Variants in ARHGEF28 observed in about 807,000 individuals in gnomAD.
ARHGEF28 encodes the protein Rho guanine nucleotide exchange factor 28.
ARHGEF28 carries 152 observed loss-of-function variants against 206.6 expected under a neutral mutation model. That is an observed-to-expected ratio of 0.74 (90% CI 0.64 to 0.84). ARHGEF28 has a LOEUF of 0.84. Among genes scored for constraint, ARHGEF28 ranks in the 40% least tolerant of loss-of-function variants. ARHGEF28 has a pLI of 0.00. For missense variants in ARHGEF28, 2,028 were observed against 2,073.2 expected, an observed-to-expected ratio of 0.98 and a Z score of 0.42; for synonymous variants, 763 against 776.4, an observed-to-expected ratio of 0.98 and a Z score of 0.29.
rs115946036 is a variant in ARHGEF28, at chr5:73,841,576, C to T, written c.1427+816C>T. 6.1e-3 allele frequency among the ~76,000 whole-genome samples: 934 copies of T among 151,894 alleles called. 10 individuals carry two copies. The highest frequency in any genetic ancestry group is 0.021 in the African/African-American group (872 of 41,472). On this transcript the variant is annotated intron_variant, in intron 11 of 35. Transcript: ENST00000513042. ...CAAAAATTATCTGGGCATGGTGGCACGCACATGTGGTCCTGATACTTGGCA... is the reference window on the plus strand; with the variant it reads ...CAAAAATTATCTGGGCATGGTGGCATGCACATGTGGTCCTGATACTTGGCA...
intron 1 of ARHGEF28, among the ~76,000 whole-genome samples, chr5:73,628,934 TGG>T (rs1221828745): frequency 5.3e-5 from 8 of 152,236 alleles, no homozygotes; most frequent in Non-Finnish European, 1.0e-4. Flanking sequence ...ATCATGGTAT[TGG>T]AAGTTCTCGG....
chr5:73,886,749 C>T (rs142273984), intron 25 of ARHGEF28, among the ~76,000 whole-genome samples: 44 of 152,288 alleles, frequency 2.9e-4, no homozygotes, highest in African/African-American at 9.9e-4. Context: ...GAAAACATTA[C>T]GAATGCTCAT....
intron 35 of ARHGEF28, among the ~76,000 whole-genome samples, chr5:73,936,866 C>A (rs1460103301): frequency 6.6e-6 from 1 of 152,178 alleles, no homozygotes; most frequent in Non-Finnish European, 1.5e-5. Flanking sequence ...CCATGCCCAG[C>A]CACTTTGTTC....
chr5:73,742,143 G>C (rs1751472163), intron 2 of ARHGEF28, among the ~76,000 whole-genome samples: 1 of 151,846 alleles, frequency 6.6e-6, no homozygotes. Context: ...CTTTTTCTTG[G>C]TTAGTTTTGC....
chr5:73,636,995 G>T (rs988826), intron 1 of ARHGEF28, among the ~76,000 whole-genome samples: 1 of 152,004 alleles, frequency 6.6e-6, no homozygotes, highest in Middle Eastern at 3.2e-3. Flanking sequence ...GGGAGAAATG[G>T]TTGCAAATAC....
intron 12 of ARHGEF28, among the ~76,000 whole-genome samples, chr5:73,848,537 G>T (rs949159650): frequency 2.0e-5 from 3 of 152,112 alleles, no homozygotes; most frequent in Admixed American, 2.0e-4. Context: ...TCTTATAATT[G>T]TAAGTGGCTA....
chr5:73,650,142 G>A (rs2080827), intron 1 of ARHGEF28, among the ~76,000 whole-genome samples: 9,143 of 152,148 alleles, frequency 0.06, 929 homozygotes, highest in African/African-American at 0.21. Flanking sequence ...GTACTCATGG[G>A]ACAGGATATG....
chr5:73,790,757 T>C (rs931169970), intron 7 of ARHGEF28, among the ~76,000 whole-genome samples: 1 of 151,842 alleles, frequency 6.6e-6, no homozygotes, highest in Admixed American at 6.6e-5. Flanking sequence ...GAATTAAGAG[T>C]GGCAAGTAGT....
chr5:73,857,702 G>A lies in ARHGEF28; in HGVS notation c.1837G>A (p.Glu613Lys). 3.7e-6 allele frequency: 6 copies of A among 1,607,558 alleles called. No individual in the cohort carries two copies. Among genetic ancestry groups the A allele is most frequent in the Non-Finnish European group, 5.1e-6 (6 of 1,176,482 alleles). Residue 613 changes from glutamate (E) to lysine (K), a missense_variant, in exon 15 of 36, where the codon GAG becomes AAG. By Grantham distance (56) the Glu-to-Lys change is moderately conservative. Transcript: ENST00000513042. ...WDKYIIPAKS[E>K]SEKYKVSRTF... The stretch of plus-strand genomic sequence containing the variant: ...TAAATACATCATACCTGCCAAATCA[G>A]AGTCTGAAAAATATAAAGTGAGTCG...
rs1763150186 is a variant in ARHGEF28 at position 73,915,313 on chromosome 5, ATT to A, written c.4948+3741_4948+3742del. 5.9e-5 allele frequency among the ~76,000 whole-genome samples: 9 copies of A among 152,292 alleles called. No homozygotes were observed. In the South Asian group the frequency reaches 1.9e-3, roughly 32 times the overall value. On this transcript the variant is annotated intron_variant, in intron 35 of 35. Transcript: ENST00000513042. ...TCATAAGGGATATTTTCTTAAAAAT[ATT>A]TTGTTTCTCCAATGTTGCCTAATAA...
chr5:73,686,295 A>G (rs934289560), intron 2 of ARHGEF28, among the ~76,000 whole-genome samples: 3 of 151,708 alleles, frequency 2.0e-5, no homozygotes, highest in African/African-American at 4.8e-5. Flanking sequence ...CCTATTCCTC[A>G]CTCATTCCAC....
intron 35 of ARHGEF28, among the ~76,000 whole-genome samples, chr5:73,939,639 GA>G (rs1742469509): frequency 6.6e-6 from 1 of 152,204 alleles, no homozygotes. Flanking sequence ...AAGATGGGAT[GA>G]AATGAGGTGT....
intron 22 of ARHGEF28, among the ~76,000 whole-genome samples, chr5:73,878,085 T>C (rs549741056): frequency 1.3e-5 from 2 of 152,306 alleles, no homozygotes; most frequent in Admixed American, 1.3e-4. Flanking sequence ...CACTCAAGAC[T>C]TGCTTTATGA....
At position 73,941,161 on chromosome 5, in the gene ARHGEF28, A is replaced by T. The variant is rs1742593789; in HGVS notation, c.*148A>T. ...TTTCCTGGAAGCTCATTTTTTTGGC[A>T]TGAGTCTAATTAAATTATTGAAAGC... On this transcript the variant is annotated 3_prime_UTR_variant, in exon 36 of 36. Transcript: ENST00000513042. 1.3e-6 allele frequency: 1 copy of T among 742,582 alleles called. No homozygotes were observed. The highest frequency in any genetic ancestry group is 1.9e-6 in the Non-Finnish European group (1 of 536,028). The allele number at this position is 742,582 out of a possible 1,614,324, so 46.0% of individuals were successfully genotyped here.
chr5:73,795,416 A>G (rs764436990), intron 9 of ARHGEF28, 25 bp downstream of exon 9: 122 of 1,589,730 alleles, frequency 7.7e-5, no homozygotes, highest in Non-Finnish European at 1.0e-4. Context: ...TTTTACCTAT[A>G]CTCGTAGGGG....
chr5:73,708,133 T>C (rs986063181), intron 2 of ARHGEF28, among the ~76,000 whole-genome samples: 1 of 152,286 alleles, frequency 6.6e-6, no homozygotes, highest in African/African-American at 2.4e-5. Context: ...ATAAAGAGTT[T>C]GTATATGGTT....
chr5:73,693,181 G>C (rs1386732213), intron 2 of ARHGEF28, among the ~76,000 whole-genome samples: 1 of 152,096 alleles, frequency 6.6e-6, no homozygotes. Flanking sequence ...CAATAAGCCT[G>C]GGGTTTTCCG....
At chr5:73,700,246 CGTGT>C (rs1260192669) in intron 2 of ARHGEF28, among the ~76,000 whole-genome samples, 1 of 151,852 alleles carries the variant, frequency 6.6e-6, no homozygotes. Context: ...TATGGGAACC[CGTGT>C]GTGTGTGTTT....
chr5:73,866,885 A>G (rs1380776353), intron 18 of ARHGEF28, among the ~76,000 whole-genome samples: 1 of 152,202 alleles, frequency 6.6e-6, no homozygotes, highest in African/African-American at 2.4e-5. Context: ...CATGTAACAA[A>G]GTGTGACTGA....
Sources: gnomAD v4.1 joint callset for allele counts (sites outside exome capture counted in the v4.1 genomes callset) on GRCh38, gnomAD v4.1.1 for gene constraint, MANE v1.5 for transcripts, NCBI Gene and HGNC (gene_info 2026-07-23, HGNC 2026-07-21) for gene names.